The following LAMA2 variants were observed in gnomAD, a reference collection of about 807,000 sequenced individuals.
LAMA2 encodes laminin subunit alpha-2.
LAMA2 carries 269 observed loss-of-function variants against 364.8 expected under a neutral mutation model. The observed-to-expected ratio is 0.74, with a 90% CI of 0.67 to 0.82. LAMA2 has a LOEUF of 0.82. Among genes scored for constraint, LAMA2 ranks in the 40% least tolerant of loss-of-function variants. The pLI is 0.00. For synonymous variants in LAMA2, 1,379 were observed against 1,370.6 expected, an observed-to-expected ratio of 1.01 and a Z score of -0.14; for missense variants, 3,807 against 3,873.2, an observed-to-expected ratio of 0.98 and a Z score of 0.45.
intron 34 of LAMA2, among the ~76,000 whole-genome samples, chr6:129,374,865 G>A (rs1453795503): frequency 2.0e-5 from 3 of 151,072 alleles, no homozygotes; most frequent in African/African-American, 4.9e-5. Context: ...GATTACAGGC[G>A]TGAGCCACCA....
chr6:128,887,869 CAAACAAAACA>C (rs561343120), intron 1 of LAMA2, among the ~76,000 whole-genome samples: 9 of 152,154 alleles, frequency 5.9e-5, no homozygotes, highest in African/African-American at 1.4e-4. Context: ...GACTCTATCT[CAAACAAAACA>C]AAACAAAACA....
At chr6:129,312,344 G>C (rs1562446065) in intron 22 of LAMA2, among the ~76,000 whole-genome samples, 1 of 151,932 alleles carries the variant, frequency 6.6e-6, no homozygotes, top group African/African-American at 2.4e-5. Context: ...GCTCTCCTTG[G>C]ATTCCCCAAG....
At chr6:129,466,295 GAGAGACACTTGAGTCAAAC>G (rs1425426527) in intron 51 of LAMA2, among the ~76,000 whole-genome samples, 1 of 151,950 alleles carries the variant, frequency 6.6e-6, no homozygotes, top group East Asian at 1.9e-4. Flanking sequence ...AATCTCAGAA[GAGAGACACTTGAGTCAAAC>G]AGAGAGGTCA....
rs116823660 is a variant in LAMA2, at chr6:129,031,403, G to A, written c.113-18515G>A. ...AGAAATTCCAGAAGCTGGGGGTGGG[G>A]GGAATAGACTGGATATTGCAAAATG... On this transcript the variant is annotated intron_variant, in intron 1 of 64. Coordinates refer to ENST00000421865, the MANE Select transcript of LAMA2 (RefSeq NM_000426.4). 9.4e-3 allele frequency among the ~76,000 whole-genome samples: 1,436 copies of A among 152,012 alleles called. 29 individuals carry two copies. Among genetic ancestry groups the A allele is most frequent in the African/African-American group, 0.033 (1,377 of 41,452 alleles).
chr6:129,007,162 G>A (rs1784495436), intron 1 of LAMA2, among the ~76,000 whole-genome samples: 1 of 152,134 alleles, frequency 6.6e-6, no homozygotes. Flanking sequence ...AAGGAGACTT[G>A]TCTCTAAGCT....
At chr6:129,028,235 C>G (rs1785970018) in intron 1 of LAMA2, among the ~76,000 whole-genome samples, 1 of 151,822 alleles carries the variant, frequency 6.6e-6, no homozygotes, top group African/African-American at 2.4e-5. Context: ...AAATTATGAA[C>G]TATTTTATCA....
intron 12 of LAMA2, among the ~76,000 whole-genome samples, chr6:129,237,010 A>G (rs1475596499): frequency 1.3e-5 from 2 of 152,208 alleles, no homozygotes; most frequent in African/African-American, 2.4e-5. Context: ...GTGAAGGTTC[A>G]AATCCTGCTT....
chr6:129,482,499 C>T (rs1366938322), intron 55 of LAMA2, among the ~76,000 whole-genome samples: 10 of 152,042 alleles, frequency 6.6e-5, no homozygotes. Flanking sequence ...TTTTGTCTGC[C>T]ATGACCAAAA....
chr6:129,080,959 CACTATTCACAATAGCAAAG>C (rs1191906636), intron 3 of LAMA2, among the ~76,000 whole-genome samples: 1 of 152,062 alleles, frequency 6.6e-6, no homozygotes, highest in East Asian at 1.9e-4. Flanking sequence ...TTTATTGTGG[CACTATTCACAATAGCAAAG>C]ACTTGGAACC....
At chr6:128,907,443 G>A (rs79596080) in intron 1 of LAMA2, among the ~76,000 whole-genome samples, 2 of 152,108 alleles carry the variant, frequency 1.3e-5, no homozygotes, top group Non-Finnish European at 1.5e-5. Flanking sequence ...TTTGTCTGTT[G>A]TTGGTGTATA....
In LAMA2 at chr6:129,017,336, C is replaced by T. The variant is rs1471990893; in HGVS notation, c.113-32582C>T. ...GTAATAAATGTTACTGATATGGCCT[C>T]CTACTTAGAAAATGTTATTCATGAG... On this transcript the variant is annotated intron_variant, in intron 1 of 64. Transcript: ENST00000421865. Among the ~76,000 whole-genome samples, 4 of 151,794 alleles carry T rather than the reference C, an allele frequency of 2.6e-5. No individual in the cohort carries two copies. In the South Asian group the frequency reaches 8.3e-4, roughly 32 times the overall value.
chr6:129,063,512 A>G (rs939521319), intron 3 of LAMA2, among the ~76,000 whole-genome samples: 3 of 152,014 alleles, frequency 2.0e-5, no homozygotes, highest in African/African-American at 7.2e-5. Context: ...GGTAAAACAG[A>G]GGGAGGCAGC....
intron 9 of LAMA2, among the ~76,000 whole-genome samples, chr6:129,173,860 C>T (rs1386316848): frequency 1.3e-5 from 2 of 152,084 alleles, no homozygotes; most frequent in African/African-American, 4.8e-5. Flanking sequence ...TGTATTTCTT[C>T]TCTGATTTTT....
intron 1 of LAMA2, among the ~76,000 whole-genome samples, chr6:128,888,969 G>C (rs971451057): frequency 6.6e-6 from 1 of 152,126 alleles, no homozygotes. Context: ...CTACATTCAA[G>C]AGCATTCCAC....
In LAMA2 at chr6:129,315,757, G is replaced by A. The variant is rs1224780407; in HGVS notation, c.3736-5G>A. ...AATTCCTCATTCTTCTTTTTATTTT[G>A]TCAGTTGATGGCCTATGGGGGCAAA... On this transcript the variant is annotated splice_region_variant and splice_polypyrimidine_tract_variant and intron_variant, in intron 25 of 64. Transcript: ENST00000421865. The A allele has an allele frequency of 1.2e-6, 2 of 1,613,828 alleles. No homozygotes were observed. Among genetic ancestry groups the A allele is most frequent in the East Asian group, 2.2e-5 (1 of 44,874 alleles).
intron 19 of LAMA2, among the ~76,000 whole-genome samples, chr6:129,288,262 A>T (rs1310852418): frequency 6.6e-6 from 1 of 152,192 alleles, no homozygotes; most frequent in Non-Finnish European, 1.5e-5. Context: ...TTGCTGTGGT[A>T]TTGAAGCATC....
At chr6:129,195,372 C>T (rs1406037409) in intron 12 of LAMA2, among the ~76,000 whole-genome samples, 7 of 152,112 alleles carry the variant, frequency 4.6e-5, no homozygotes, top group African/African-American at 1.4e-4. Context: ...CTCAAGAATA[C>T]TAGCCAATTT....
In LAMA2 at chr6:129,095,543, T is replaced by C. The variant is rs529576994; in HGVS notation, c.397-2630T>C. ...TTGCTTCAGCCTCAAAAAATGTGTT[T>C]ATGTAAAATTAAATGAGAGCTGGCA... On this transcript the variant is annotated intron_variant, in intron 3 of 64. Coordinates refer to ENST00000421865, the MANE Select transcript of LAMA2 (RefSeq NM_000426.4). 2.2e-4 allele frequency among the ~76,000 whole-genome samples: 33 copies of C among 152,290 alleles called. 2 individuals are homozygous for C. In the South Asian group the frequency reaches 6.8e-3, roughly 32 times the overall value.
chr6:129,205,493 T>TATATATACAC (rs1343472728), intron 12 of LAMA2, among the ~76,000 whole-genome samples: 3 of 104,274 alleles, frequency 2.9e-5, no homozygotes, highest in African/African-American at 1.6e-4. Context: ...TATATATATA[T>TATATATACAC]ACACACACAC....
Sources: allele counts gnomAD v4.1 joint callset (sites outside exome capture counted in the v4.1 genomes callset), GRCh38; gene constraint gnomAD v4.1.1; transcripts MANE v1.5; gene names NCBI Gene and HGNC (gene_info 2026-07-23, HGNC 2026-07-21).